Variants in NBEA observed in about 807,000 individuals in gnomAD.
NBEA encodes lysosomal-trafficking regulator 2.
Under a neutral mutation model 343.4 loss-of-function variants are expected in NBEA, and 44 were observed. That is an observed-to-expected ratio of 0.13 (90% CI 0.10 to 0.16). The LOEUF (loss-of-function observed/expected upper bound fraction) is 0.16, where lower values mean the gene tolerates loss of function less well. Ranked by LOEUF, NBEA falls within the 10% of genes least tolerant of loss-of-function variation. The pLI is 1.00. For synonymous variants in NBEA, 1,175 were observed against 1,238.7 expected (o/e 0.95, Z 1.08); for missense variants, 2,555 against 3,631.3 (o/e 0.70, Z 7.62).
At position 34,976,332 on chromosome 13, in the gene NBEA, AAACCTCATATGTTCTCACTCAT is replaced by A. The variant is rs1175010289; in HGVS notation, c.294+33220_294+33241del. ...GTGAAGTAACTCAGGAATGGTACCC[AAACCTCATATGTTCTCACTCAT>A]ATGTGAGAGCTAACCTACGAGGACA... is the stretch of plus-strand genomic sequence containing the variant. On this transcript the variant is annotated intron_variant, in intron 1 of 58. Transcript: ENST00000379939. 2.0e-5 allele frequency among the ~76,000 whole-genome samples: 3 copies of A among 152,188 alleles called. No homozygotes were observed. In the East Asian group the frequency reaches 5.8e-4, roughly 29 times the overall value.
chr13:35,304,956 A>G (rs1454101828), intron 35 of NBEA, among the ~76,000 whole-genome samples: 1 of 152,064 alleles, frequency 6.6e-6, no homozygotes, highest in East Asian at 1.9e-4. Flanking sequence ...TATTTTTTAA[A>G]TTTATTATAT....
At chr13:35,027,744 A>C (rs553807624) in intron 1 of NBEA, among the ~76,000 whole-genome samples, 5 of 151,974 alleles carry the variant, frequency 3.3e-5, no homozygotes, top group African/African-American at 1.2e-4. Context: ...ATGTCTAAAA[A>C]CTTTTAGCCA....
chr13:35,225,298 C>T (rs1004350999), intron 33 of NBEA, among the ~76,000 whole-genome samples: 36 of 152,036 alleles, frequency 2.4e-4, no homozygotes, highest in African/African-American at 8.5e-4. Flanking sequence ...GGACTCAGAA[C>T]GTTTCCCTTC....
intron 18 of NBEA, among the ~76,000 whole-genome samples, chr13:35,154,350 A>G (rs1192312587): frequency 6.6e-6 from 1 of 152,140 alleles, no homozygotes; most frequent in Non-Finnish European, 1.5e-5. Flanking sequence ...TTGTCCTTTC[A>G]ACTAACGTTG....
In NBEA at chr13:35,351,173, A is replaced by G. The variant is rs180760402; in HGVS notation, c.6013-984A>G. Among the ~76,000 whole-genome samples, 333 of 152,118 alleles carry G rather than the reference A, an allele frequency of 2.2e-3. 1 individual carries two copies. Among genetic ancestry groups the G allele is most frequent in the African/African-American group, 7.4e-3 (308 of 41,552 alleles). On this transcript the variant is annotated intron_variant, in intron 37 of 58. Coordinates refer to ENST00000379939, the MANE Select transcript of NBEA (RefSeq NM_001385012.1). ...ATAGATAAATGAGAGGAATATGTTC[A>G]AGTACCTTCCATGAAATAGATTTTT...
chr13:35,127,638 G>A (rs1293935952), intron 17 of NBEA, among the ~76,000 whole-genome samples: 1 of 152,118 alleles, frequency 6.6e-6, no homozygotes, highest in East Asian at 1.9e-4. Flanking sequence ...ATTTGATGAT[G>A]TAGATGAAAG....
chr13:35,084,431 C>A (rs1369319048), intron 10 of NBEA, among the ~76,000 whole-genome samples: 1 of 152,178 alleles, frequency 6.6e-6, no homozygotes, highest in African/African-American at 2.4e-5. Context: ...AAGAAACTCA[C>A]TCAAAACCGC....
At chr13:35,092,217 T>C (rs1044837993) in intron 10 of NBEA, among the ~76,000 whole-genome samples, 3 of 151,950 alleles carry the variant, frequency 2.0e-5, no homozygotes, top group African/African-American at 4.8e-5. Context: ...TCACAATTTA[T>C]ATGAAACTTA....
At chr13:35,472,249 C>G in intron 40 of NBEA, 151 bp from the exon 41 acceptor site, 2 of 749,866 alleles carry the variant, frequency 2.7e-6, no homozygotes, top group Non-Finnish European at 4.1e-6. Flanking sequence ...CTAAGTAGTC[C>G]TTATCTTACG....
rs115142222 is a variant in NBEA at position 35,619,975 on chromosome 13, T to C, written c.7450-8106T>C. Among the ~76,000 whole-genome samples the C allele has an allele frequency of 3.7e-3, 570 of 152,282 alleles. 2 individuals carry two copies. Among genetic ancestry groups the C allele is most frequent in the African/African-American group, 0.013 (539 of 41,558 alleles). The stretch of plus-strand genomic sequence containing the variant: ...TTCCGTAATTATGAAGGGGCTATCA[T>C]GCACTTCATCCTGCTCTGGGCTCTG... On this transcript the variant is annotated intron_variant, in intron 48 of 58. Coordinates refer to ENST00000379939, the MANE Select transcript of NBEA (RefSeq NM_001385012.1).
At chr13:35,493,002 A>C (rs1467901813) in intron 41 of NBEA, among the ~76,000 whole-genome samples, 1 of 152,022 alleles carries the variant, frequency 6.6e-6, no homozygotes, top group African/African-American at 2.4e-5. Context: ...GAATATGGAC[A>C]CAGGCATAGA....
chr13:35,596,693 T>C (rs2081820479), intron 47 of NBEA, among the ~76,000 whole-genome samples: 1 of 152,166 alleles, frequency 6.6e-6, no homozygotes, highest in Non-Finnish European at 1.5e-5. Flanking sequence ...CTCACTGAAG[T>C]TCTTACACTA....
chr13:35,312,136 T>G (rs1354905581), intron 36 of NBEA, among the ~76,000 whole-genome samples: 2 of 152,198 alleles, frequency 1.3e-5, no homozygotes, highest in Non-Finnish European at 2.9e-5. Flanking sequence ...TTCCAGTTTC[T>G]TGGGGAAAGG....
intron 1 of NBEA, among the ~76,000 whole-genome samples, chr13:35,010,771 T>G (rs2061470494): frequency 1.1e-5 from 1 of 93,830 alleles, no homozygotes; most frequent in African/African-American, 4.1e-5. Context: ...TATATATATA[T>G]ATATATATAA....
chr13:35,160,725 T>A (rs753519519), intron 22 of NBEA, among the ~76,000 whole-genome samples: 2 of 152,144 alleles, frequency 1.3e-5, no homozygotes, highest in African/African-American at 2.4e-5. Context: ...AGTGCTTCAG[T>A]TTTGACCTCA....
intron 1 of NBEA, among the ~76,000 whole-genome samples, chr13:34,962,641 A>G (rs973033717): frequency 6.6e-6 from 1 of 152,092 alleles, no homozygotes; most frequent in Non-Finnish European, 1.5e-5. Context: ...GTTTTTATAT[A>G]TTATTTGCTA....
At chr13:35,499,407 C>G (rs1354928166) in intron 41 of NBEA, among the ~76,000 whole-genome samples, 1 of 152,070 alleles carries the variant, frequency 6.6e-6, no homozygotes, top group Non-Finnish European at 1.5e-5. Flanking sequence ...CACTCTTTGG[C>G]TTGGAGTCCG....
intron 38 of NBEA, among the ~76,000 whole-genome samples, chr13:35,375,506 T>A (rs1270764170): frequency 1.3e-5 from 2 of 152,126 alleles, no homozygotes; most frequent in Admixed American, 1.3e-4. Context: ...TTGACTCTGG[T>A]TTTTCCCCTT....
At chr13:35,290,659 C>T (rs948913647) in intron 35 of NBEA, among the ~76,000 whole-genome samples, 3 of 151,130 alleles carry the variant, frequency 2.0e-5, no homozygotes, top group Non-Finnish European at 4.4e-5. Flanking sequence ...CCTCTCCCTT[C>T]TTCTACTCTT....
Sources: gnomAD v4.1 joint callset for allele counts (sites outside exome capture counted in the v4.1 genomes callset) on GRCh38, gnomAD v4.1.1 for gene constraint, MANE v1.5 for transcripts, NCBI Gene and HGNC (gene_info 2026-07-23, HGNC 2026-07-21) for gene names.